Variants in FOXN3 observed in about 807,000 individuals in gnomAD.
FOXN3 encodes the protein forkhead box protein N3.
In FOXN3, 7 loss-of-function variants were observed where a neutral mutation model predicts 38.4. That is an observed-to-expected ratio of 0.18 (90% CI 0.10 to 0.34). The LOEUF (loss-of-function observed/expected upper bound fraction) is 0.34. Among genes scored for constraint, FOXN3 ranks in the 10% least tolerant of loss-of-function variants. The probability of loss-of-function intolerance (pLI) is 1.00; values close to 1 mark genes in which losing one functional copy is unlikely to be tolerated. For synonymous variants in FOXN3, 230 were observed against 242.2 expected (o/e 0.95, Z 0.47); for missense variants, 456 against 613.4 (o/e 0.74, Z 2.71).
chr14:89,272,667 C>A (rs1886184145), intron 4 of FOXN3, among the ~76,000 whole-genome samples: 1 of 151,930 alleles, frequency 6.6e-6, no homozygotes, highest in Admixed American at 6.6e-5. Flanking sequence ...GCCTGGCCAA[C>A]ATGGTGAAAA....
chr14:89,381,449 T>C (rs1596240961), intron 2 of FOXN3, among the ~76,000 whole-genome samples: 3 of 147,194 alleles, frequency 2.0e-5, no homozygotes, highest in East Asian at 4.1e-4. Context: ...AATTCTAACA[T>C]TGCCCGACAT....
rs143516101 is a variant in FOXN3 at position 89,160,314 on chromosome 14, C to G, written c.*2100G>C. On this transcript the variant is annotated 3_prime_UTR_variant, in exon 6 of 6. Transcript: ENST00000557258. Reference sequence around the variant, plus strand: ...TTGTCTGGTTTCTAAATTCAGCTCTCGCAATCTAGGTGGTCTTAATTCCAG... The same window carrying G: ...TTGTCTGGTTTCTAAATTCAGCTCTGGCAATCTAGGTGGTCTTAATTCCAG... 1 of 148,334 alleles carries G rather than the reference C, an allele frequency of 6.7e-6. No individual in the cohort carries two copies. The highest frequency in any genetic ancestry group is 2.0e-4 in the East Asian group (1 of 5,006). The allele number at this position is 148,334 out of a possible 1,614,324, so 9.2% of individuals were successfully genotyped here.
intron 1 of FOXN3, among the ~76,000 whole-genome samples, chr14:89,590,178 T>C (rs1009762363): frequency 1.4e-4 from 22 of 152,226 alleles, no homozygotes; most frequent in African/African-American, 5.1e-4. Context: ...GGGCAGAGTA[T>C]TTCAATGATT....
chr14:89,407,619 G>T (rs1427380992), intron 2 of FOXN3, among the ~76,000 whole-genome samples: 1 of 152,096 alleles, frequency 6.6e-6, no homozygotes, highest in Non-Finnish European at 1.5e-5. Context: ...ATTGCTTGAG[G>T]CCAGGAATTT....
chr14:89,358,559 C>A lies in FOXN3; in HGVS notation c.544-7751G>T, dbSNP rs530410878. On this transcript the variant is annotated intron_variant, in intron 2 of 5. Transcript: ENST00000557258. ...CATGGCATACATGCAGCTCACTCCC[C>A]ACCCCGGGTCTTAGTTTCCTCATCT... Among the ~76,000 whole-genome samples, 23 of 152,322 alleles carry A rather than the reference C, an allele frequency of 1.5e-4. 1 individual carries two copies. Among genetic ancestry groups the A allele is most frequent in the African/African-American group, 5.5e-4 (23 of 41,572 alleles).
At chr14:89,595,306 T>C (rs112733762) in intron 1 of FOXN3, among the ~76,000 whole-genome samples, 3,670 of 151,956 alleles carry the variant, frequency 0.024, 138 homozygotes, top group African/African-American at 0.082. Context: ...GCCTGGGCAA[T>C]TGAGCGAGAT....
chr14:89,279,422 GTGAA>G, intron 4 of FOXN3, among the ~76,000 whole-genome samples: 1 of 152,238 alleles, frequency 6.6e-6, no homozygotes, highest in South Asian at 2.1e-4. Flanking sequence ...TAATGCCAAA[GTGAA>G]TGAATAAAAA....
intron 4 of FOXN3, among the ~76,000 whole-genome samples, chr14:89,249,118 C>T (rs114277349): frequency 2.3e-3 from 354 of 152,306 alleles, no homozygotes; most frequent in African/African-American, 8.1e-3. Context: ...ATTTCAGGGG[C>T]TCATTCAAAT....
intron 1 of FOXN3, among the ~76,000 whole-genome samples, chr14:89,592,641 C>T (rs1313884321): frequency 6.6e-6 from 1 of 152,144 alleles, no homozygotes. Flanking sequence ...CCTAACCAAA[C>T]GACTGACCAA....
Position 89,309,382 on chromosome 14 carries a change from C to G in FOXN3, c.681-28368G>C, listed in dbSNP as rs545422155. ...CCCACAGTCACTCACTGGGCAGGCG[C>G]AGAGGGGCACCTGGAAACCAGGTCA... On this transcript the variant is annotated intron_variant, in intron 3 of 5. Transcript: ENST00000557258. Among the ~76,000 whole-genome samples, 5 of 152,268 alleles carry G rather than the reference C, an allele frequency of 3.3e-5. No homozygotes were observed. The East Asian group carries it at 7.7e-4, about 23-fold the overall frequency.
At chr14:89,260,373 G>A (rs568405563) in intron 4 of FOXN3, among the ~76,000 whole-genome samples, 54 of 152,230 alleles carry the variant, frequency 3.5e-4, no homozygotes, top group Non-Finnish European at 5.3e-4. Flanking sequence ...GGGAGAGCCC[G>A]ACCACTGCGG....
chr14:89,272,069 G>C (rs947723616), intron 4 of FOXN3, among the ~76,000 whole-genome samples: 68 of 152,310 alleles, frequency 4.5e-4, no homozygotes, highest in African/African-American at 1.6e-3. Context: ...CAACACTTTG[G>C]GAGGCCGAGG....
chr14:89,189,600 A>T (rs1887894324), intron 4 of FOXN3, among the ~76,000 whole-genome samples: 1 of 152,158 alleles, frequency 6.6e-6, no homozygotes, highest in Admixed American at 6.5e-5. Context: ...ACTGGTACTG[A>T]CCTCGAGTGG....
intron 4 of FOXN3, among the ~76,000 whole-genome samples, chr14:89,262,131 A>T (rs1885828442): frequency 6.6e-6 from 1 of 151,738 alleles, no homozygotes; most frequent in Admixed American, 6.6e-5. Context: ...GAAGAAGAAG[A>T]AGAGAAGGAG....
chr14:89,226,997 A>G (rs1884660971), intron 4 of FOXN3, among the ~76,000 whole-genome samples: 1 of 152,222 alleles, frequency 6.6e-6, no homozygotes, highest in Non-Finnish European at 1.5e-5. Context: ...CTGTTGTTGA[A>G]GCCGCTCCGT....
chr14:89,359,350 A>G (rs920296950), intron 2 of FOXN3, among the ~76,000 whole-genome samples: 5 of 152,154 alleles, frequency 3.3e-5, no homozygotes, highest in Non-Finnish European at 7.3e-5. Context: ...TGGCAACAAA[A>G]TATTAAATAG....
chr14:89,528,376 C>CTTTT (rs55935162), intron 1 of FOXN3, among the ~76,000 whole-genome samples: 775 of 53,572 alleles, frequency 0.014, 148 homozygotes, highest in African/African-American at 0.02. Context: ...ATGGATGAAT[C>CTTTT]TTTTTTTTTT....
chr14:89,300,180 CTTTT>C (rs35774627), intron 3 of FOXN3, among the ~76,000 whole-genome samples: 3 of 115,784 alleles, frequency 2.6e-5, no homozygotes, highest in Non-Finnish European at 1.7e-5. Context: ...AAGAAATGTA[CTTTT>C]TTTTTTTTTT....
At chr14:89,200,904 C>T (rs1234009739) in intron 4 of FOXN3, among the ~76,000 whole-genome samples, 1 of 152,112 alleles carries the variant, frequency 6.6e-6, no homozygotes, top group Non-Finnish European at 1.5e-5. Context: ...CTCAAAGAAC[C>T]ATGTGGACAG....
Sources: allele counts gnomAD v4.1 joint callset (sites outside exome capture counted in the v4.1 genomes callset), GRCh38; gene constraint gnomAD v4.1.1; transcripts MANE v1.5; gene names NCBI Gene and HGNC (gene_info 2026-07-23, HGNC 2026-07-21).